The following NCKAP5 variants were observed in gnomAD, a reference collection of about 807,000 sequenced individuals.
NCKAP5 encodes NCK associated protein 5, also known as nck-associated protein 5.
Under a neutral mutation model 167.0 loss-of-function variants are expected in NCKAP5, and 92 were observed. The observed-to-expected ratio is 0.55, with a 90% CI of 0.47 to 0.66. NCKAP5 has a LOEUF of 0.66. NCKAP5 is among the 30% of genes least tolerant of loss of function. The pLI, the probability that NCKAP5 is intolerant of heterozygous loss-of-function variation, is 0.00. For synonymous variants in NCKAP5, 891 were observed against 877.4 expected, an observed-to-expected ratio of 1.02 and a Z score of -0.27; for missense variants, 2,378 against 2,315.0, an observed-to-expected ratio of 1.03 and a Z score of -0.56.
At chr2:132,803,200 C>G (rs1018467595) in intron 11 of NCKAP5, among the ~76,000 whole-genome samples, 1 of 152,010 alleles carries the variant, frequency 6.6e-6, no homozygotes, top group African/African-American at 2.4e-5. Flanking sequence ...TCCTAGAGAC[C>G]CTTTAAAAAA....
intron 4 of NCKAP5, chr2:133,284,589 A>C (rs1303473170): frequency 1.3e-5 from 2 of 152,170 alleles, no homozygotes; most frequent in Non-Finnish European, 2.9e-5. Flanking sequence ...AGTCATGAGA[A>C]ATTGCTAGGT....
intron 3 of NCKAP5, among the ~76,000 whole-genome samples, chr2:133,363,828 T>C (rs1685279202): frequency 6.6e-6 from 1 of 152,214 alleles, no homozygotes; most frequent in African/African-American, 2.4e-5. Flanking sequence ...TCACTGGCTA[T>C]GTAACAGGGA....
chr2:132,924,216 A>G (rs1358831215), intron 8 of NCKAP5, among the ~76,000 whole-genome samples: 1 of 151,890 alleles, frequency 6.6e-6, no homozygotes, highest in Non-Finnish European at 1.5e-5. Context: ...TATTCCACCC[A>G]GGAAAAAGAT....
At chr2:133,435,783 G>C (rs1027557688) in intron 3 of NCKAP5, among the ~76,000 whole-genome samples, 1 of 152,138 alleles carries the variant, frequency 6.6e-6, no homozygotes, top group African/African-American at 2.4e-5. Flanking sequence ...GAGTTCACTT[G>C]ATATCTCTGT....
chr2:132,965,541 C>T (rs953429978), intron 7 of NCKAP5, among the ~76,000 whole-genome samples: 3 of 152,116 alleles, frequency 2.0e-5, no homozygotes, highest in Admixed American at 6.5e-5. Flanking sequence ...TCATTCATCA[C>T]TCAGCATATG....
At chr2:132,743,480 A>G (rs1340117058) in intron 16 of NCKAP5, among the ~76,000 whole-genome samples, 1 of 151,798 alleles carries the variant, frequency 6.6e-6, no homozygotes, top group African/African-American at 2.4e-5. Context: ...ATTATGATAA[A>G]GTAACAATGT....
At chr2:132,977,038 AT>A (rs1384977824) in intron 7 of NCKAP5, among the ~76,000 whole-genome samples, 1 of 152,214 alleles carries the variant, frequency 6.6e-6, no homozygotes, top group Non-Finnish European at 1.5e-5. Flanking sequence ...CATAGCTCCT[AT>A]GGAGAAGGGA....
At chr2:133,009,583 C>G (rs893696907) in intron 6 of NCKAP5, among the ~76,000 whole-genome samples, 1 of 152,160 alleles carries the variant, frequency 6.6e-6, no homozygotes, top group Non-Finnish European at 1.5e-5. Context: ...ATCCCCTCAT[C>G]CATTTATCTG....
At chr2:133,481,168 A>C (rs915054932) in intron 3 of NCKAP5, among the ~76,000 whole-genome samples, 8 of 152,220 alleles carry the variant, frequency 5.3e-5, no homozygotes, top group Non-Finnish European at 5.9e-5. Flanking sequence ...TGACAGTATT[A>C]TTAAACGGCT....
intron 3 of NCKAP5, among the ~76,000 whole-genome samples, chr2:133,448,736 C>T (rs368835738): frequency 6.6e-6 from 1 of 152,126 alleles, no homozygotes; most frequent in Non-Finnish European, 1.5e-5. Flanking sequence ...ACCCCCCAGG[C>T]TCAGGAGATC....
intron 3 of NCKAP5, among the ~76,000 whole-genome samples, chr2:133,309,219 G>A (rs1681057218): frequency 6.6e-6 from 1 of 151,830 alleles, no homozygotes; most frequent in South Asian, 2.1e-4. Context: ...TTTGTCTATA[G>A]TTTTACAAAA....
rs149346810 is a variant in NCKAP5, at chr2:132,836,806, C to G, written c.807+23686G>C. ...GCCTGGGCTATTGCTCTTAAGGCTGCTGTACAGCTGTTTATTTTGTTCATG... is the reference window on the plus strand; with the variant it reads ...GCCTGGGCTATTGCTCTTAAGGCTGGTGTACAGCTGTTTATTTTGTTCATG... On this transcript the variant is annotated intron_variant, in intron 11 of 19. Coordinates refer to ENST00000409261, the MANE Select transcript of NCKAP5 (RefSeq NM_207363.3). Among the ~76,000 whole-genome samples the G allele has an allele frequency of 7.6e-3, 1,156 of 152,260 alleles. 13 individuals are homozygous for G. The highest frequency in any genetic ancestry group is 0.027 in the African/African-American group (1,105 of 41,544).
At chr2:133,536,970 T>C (rs1685812370) in intron 2 of NCKAP5, among the ~76,000 whole-genome samples, 1 of 152,054 alleles carries the variant, frequency 6.6e-6, no homozygotes, top group African/African-American at 2.4e-5. Context: ...TTAAGGGTTT[T>C]TTTGGTAGGT....
chr2:132,858,965 A>G (rs1447236779), intron 11 of NCKAP5, among the ~76,000 whole-genome samples: 1 of 152,238 alleles, frequency 6.6e-6, no homozygotes, highest in African/African-American at 2.4e-5. Flanking sequence ...AAAAAAAATC[A>G]GGAACATGCA....
intron 8 of NCKAP5, chr2:132,930,008 A>G (rs544864078): frequency 6.6e-6 from 1 of 152,334 alleles, no homozygotes; most frequent in East Asian, 1.9e-4. Flanking sequence ...CTTGTCTGAG[A>G]GCATGCCTTG....
At chr2:133,214,004 G>A (rs539634209) in intron 4 of NCKAP5, among the ~76,000 whole-genome samples, 2 of 152,188 alleles carry the variant, frequency 1.3e-5, no homozygotes, top group African/African-American at 4.8e-5. Context: ...CCAAATAAAC[G>A]TTAAATGGTG....
chr2:132,996,852 G>A (rs2077617533), intron 6 of NCKAP5, among the ~76,000 whole-genome samples: 1 of 152,160 alleles, frequency 6.6e-6, no homozygotes. Flanking sequence ...TGTCATTGGG[G>A]CCCACCATGA....
chr2:133,514,647 CT>C (rs1202542845), intron 3 of NCKAP5, among the ~76,000 whole-genome samples: 1 of 152,080 alleles, frequency 6.6e-6, no homozygotes, highest in African/African-American at 2.4e-5. Flanking sequence ...TCTGGGCCCC[CT>C]AACTCTCAAA....
intron 3 of NCKAP5, among the ~76,000 whole-genome samples, chr2:133,316,576 G>T (rs1681624635): frequency 6.6e-6 from 1 of 152,140 alleles, no homozygotes; most frequent in Non-Finnish European, 1.5e-5. Flanking sequence ...TATTTTCTAA[G>T]CCAGAAAGCA....
Sources: allele counts gnomAD v4.1 joint callset (sites outside exome capture counted in the v4.1 genomes callset), GRCh38; gene constraint gnomAD v4.1.1; transcripts MANE v1.5; gene names NCBI Gene and HGNC (gene_info 2026-07-23, HGNC 2026-07-21).